Variants in MTURN observed in about 807,000 individuals in gnomAD.
The protein encoded by MTURN is maturin.
Under a neutral mutation model 14.9 loss-of-function variants are expected in MTURN, and 7 were observed. That is an observed-to-expected ratio of 0.47 (90% CI 0.27 to 0.88). The LOEUF (loss-of-function observed/expected upper bound fraction) is 0.88. Among genes scored for constraint, MTURN ranks in the 40% least tolerant of loss-of-function variants. The pLI is 0.14. For missense variants in MTURN, 151 were observed against 174.1 expected (o/e 0.87, Z 0.75); for synonymous variants, 69 against 72.5 (o/e 0.95, Z 0.25).
At chr7:30,154,501 A>G (rs1797256652) in intron 2 of MTURN, among the ~76,000 whole-genome samples, 1 of 152,184 alleles carries the variant, frequency 6.6e-6, no homozygotes, top group East Asian at 1.9e-4. Flanking sequence ...GTGTAGTTAC[A>G]TAAGGCTCCA....
At chr7:30,139,760 C>T (rs1797019886) in intron 1 of MTURN, among the ~76,000 whole-genome samples, 1 of 152,008 alleles carries the variant, frequency 6.6e-6, no homozygotes, top group Non-Finnish European at 1.5e-5. Context: ...TTTTGGGTCC[C>T]TTGCACACTC....
Position 30,146,179 on chromosome 7 carries a change from C to T in MTURN, c.165C>T (p.His55=), listed in dbSNP as rs557008817. 12 of 1,614,118 alleles carry T rather than the reference C, an allele frequency of 7.4e-6. No individual in the cohort carries two copies. The highest frequency in any genetic ancestry group is 2.2e-5 in the East Asian group (1 of 44,886). ...TTCCGTCGCCCGTGGGCACGCAGCA[C>T]GTGTGGAGTGAGAGCGAGGACTGCC... ...CPDNGCGDNF[H]VWSESEDCLP... is the part of the protein sequence containing the mutation. Residue 55 remains histidine, a splice_region_variant and synonymous_variant, in exon 2 of 3, where the codon CAC becomes CAT. Coordinates refer to ENST00000324453, the MANE Select transcript of MTURN (RefSeq NM_152793.3).
chr7:30,139,455 A>G (rs1171380708), intron 1 of MTURN, among the ~76,000 whole-genome samples: 1 of 152,208 alleles, frequency 6.6e-6, no homozygotes, highest in Non-Finnish European at 1.5e-5. Context: ...GCATGGCATC[A>G]CAGGAGTGAC....
At position 30,135,012 on chromosome 7, in the gene MTURN, A is replaced by C. The variant is rs1796918383; in HGVS notation, c.-125A>C. ...CTCCGCACCGCATGTAAACAGTCCC[A>C]GCCGGCCCAGCCCGGCCCCGGAGGA... On this transcript the variant is annotated 5_prime_UTR_variant, in exon 1 of 3. Coordinates refer to ENST00000324453, the MANE Select transcript of MTURN (RefSeq NM_152793.3). 1 of 837,114 alleles carries C rather than the reference A, an allele frequency of 1.2e-6. No individual in the cohort carries two copies. Among genetic ancestry groups the C allele is most frequent in the Non-Finnish European group, 1.5e-6 (1 of 680,352 alleles). The allele number at this position is 837,114 out of a possible 1,614,324, so 51.9% of individuals were successfully genotyped here.
At chr7:30,139,200 CAAG>C (rs769524035) in intron 1 of MTURN, among the ~76,000 whole-genome samples, 13 of 152,172 alleles carry the variant, frequency 8.5e-5, no homozygotes, top group Non-Finnish European at 1.5e-4. Context: ...TGTCAAATGT[CAAG>C]AATTCAGTTT....
chr7:30,153,929 G>C (rs1797247765), intron 2 of MTURN, among the ~76,000 whole-genome samples: 1 of 152,104 alleles, frequency 6.6e-6, no homozygotes. Flanking sequence ...TGTTGGCTAG[G>C]CTGGTCTCAA....
intron 1 of MTURN, among the ~76,000 whole-genome samples, 153 bp downstream of exon 1, chr7:30,135,451 C>T (rs1796934424): frequency 6.6e-6 from 1 of 150,948 alleles, no homozygotes; most frequent in African/African-American, 2.4e-5. Context: ...GCCGGGGAAG[C>T]CCCGGGCCGG....
At chr7:30,148,144 C>T (rs1797155152) in intron 2 of MTURN, among the ~76,000 whole-genome samples, 1 of 152,148 alleles carries the variant, frequency 6.6e-6, no homozygotes, top group Admixed American at 6.5e-5. Flanking sequence ...TAAAAAGTGT[C>T]AGGGGTCCTG....
Position 30,159,821 on chromosome 7 carries a change from T to C in MTURN, c.*2273T>C. 6.5e-6 allele frequency: 1 copy of C among 152,720 alleles called. No individual in the cohort carries two copies. Among genetic ancestry groups the C allele is most frequent in the East Asian group, 1.9e-4 (1 of 5,206 alleles). The allele number at this position is 152,720 out of a possible 1,614,324, so 9.5% of individuals were successfully genotyped here. A position where few individuals can be genotyped will look rare whatever the true frequency, so the allele number is the denominator to read the frequency against. On this transcript the variant is annotated 3_prime_UTR_variant, in exon 3 of 3. Coordinates refer to ENST00000324453, the MANE Select transcript of MTURN (RefSeq NM_152793.3). ...TCACACACTTGCCCACACACTCACT[T>C]CTTCCTGCGCTGTGGCTGCTCTAAG...
In MTURN at chr7:30,158,441, G is replaced by T. The variant is rs1056247713; in HGVS notation, c.*893G>T. 1.3e-5 allele frequency: 2 copies of T among 152,242 alleles called. No individual in the cohort carries two copies. The highest frequency in any genetic ancestry group is 4.8e-5 in the African/African-American group (2 of 41,296). The allele number at this position is 152,242 out of a possible 1,614,324, so 9.4% of individuals were successfully genotyped here. A position where few individuals can be genotyped will look rare whatever the true frequency, so the allele number is the denominator to read the frequency against. ...AGCCATAGATAAATTTGTTAGAAAA[G>T]TAAACCAGGATTAAAAGTTTTTAAA... On this transcript the variant is annotated 3_prime_UTR_variant, in exon 3 of 3. Coordinates refer to ENST00000324453, the MANE Select transcript of MTURN (RefSeq NM_152793.3).
chr7:30,147,559 G>C (rs1583507116), intron 2 of MTURN, among the ~76,000 whole-genome samples: 1 of 152,200 alleles, frequency 6.6e-6, no homozygotes, highest in African/African-American at 2.4e-5. Context: ...GCCTGAGAAA[G>C]CAGTGAAGTT....
At chr7:30,151,591 G>A (rs1166183541) in intron 2 of MTURN, among the ~76,000 whole-genome samples, 3 of 152,232 alleles carry the variant, frequency 2.0e-5, no homozygotes, top group South Asian at 2.1e-4. Context: ...TTGCCCTTTC[G>A]AATTCTCTCA....
chr7:30,136,878 C>A (rs747185145), intron 1 of MTURN, among the ~76,000 whole-genome samples: 1 of 152,310 alleles, frequency 6.6e-6, no homozygotes, highest in South Asian at 2.1e-4. Context: ...AAGAGCCCCA[C>A]AAATTTGGGG....
intron 1 of MTURN, 184 bp from the exon 2 acceptor site, chr7:30,145,993 T>C (rs977989675): frequency 6.5e-7 from 1 of 1,548,940 alleles, no homozygotes; most frequent in African/African-American, 1.4e-5. Flanking sequence ...TTCTATAGAT[T>C]AGACATTTTT....
At chr7:30,141,971 C>T (rs938948578) in intron 1 of MTURN, among the ~76,000 whole-genome samples, 2 of 152,178 alleles carry the variant, frequency 1.3e-5, no homozygotes, top group African/African-American at 2.4e-5. Context: ...GTTCTTACCT[C>T]CCCTGCCACC....
chr7:30,160,720 A>G lies in MTURN; in HGVS notation c.*3172A>G, dbSNP rs1259917306. The G allele has an allele frequency of 2.0e-5, 3 of 152,202 alleles. No individual in the cohort carries two copies. Among genetic ancestry groups the G allele is most frequent in the African/African-American group, 7.2e-5 (3 of 41,438 alleles). 9.4% of individuals were successfully genotyped at this position (152,202 alleles called of 1,614,324 possible). On this transcript the variant is annotated 3_prime_UTR_variant, in exon 3 of 3. Coordinates refer to ENST00000324453, the MANE Select transcript of MTURN (RefSeq NM_152793.3). ...CTGGGTTTGAGTGAATCCTAGAGAC[A>G]TTGTTCTTATGGCCGCCTGGTTTCC...
chr7:30,138,549 C>G (rs1797001657), intron 1 of MTURN, among the ~76,000 whole-genome samples: 1 of 152,066 alleles, frequency 6.6e-6, no homozygotes, highest in Non-Finnish European at 1.5e-5. Flanking sequence ...CATCGTGTCT[C>G]CTAATTTGTC....
intron 2 of MTURN, among the ~76,000 whole-genome samples, chr7:30,152,360 G>A: frequency 6.6e-6 from 1 of 152,076 alleles, no homozygotes; most frequent in African/African-American, 2.4e-5. Flanking sequence ...TCATAATCAT[G>A]AAGATATATG....
intron 1 of MTURN, chr7:30,145,824 G>A: frequency 1.3e-6 from 2 of 1,532,682 alleles, no homozygotes; most frequent in Non-Finnish European, 1.8e-6. Flanking sequence ...CAAAGGCTCT[G>A]GTTTCTCCTT....
Sources: allele counts gnomAD v4.1 joint callset (sites outside exome capture counted in the v4.1 genomes callset), GRCh38; gene constraint gnomAD v4.1.1; transcripts MANE v1.5; gene names NCBI Gene and HGNC (gene_info 2026-07-23, HGNC 2026-07-21).